DVL3: variants seen among roughly 807,000 people sequenced by gnomAD.
DVL3 encodes the protein segment polarity protein dishevelled homolog DVL-3.
A neutral mutation model predicts 67.4 loss-of-function variants in DVL3; 27 were observed. The ratio of observed to expected loss-of-function variants is 0.40; its 90% CI spans 0.30 to 0.55. The LOEUF (loss-of-function observed/expected upper bound fraction) is 0.55. Ranked by LOEUF, DVL3 falls within the 20% of genes least tolerant of loss-of-function variation. DVL3 has a pLI of 0.46. For missense variants in DVL3, 819 were observed against 1,021.5 expected (o/e 0.80, Z 2.70); for synonymous variants, 369 against 396.8 (o/e 0.93, Z 0.83).
rs1049906925 is a variant in DVL3, at chr3:184,164,349, G to A, written c.314G>A (p.Arg105His). ...NPSELPPPME[R>H]TGGIGDSRPP... ...TCGGAGCTGCCACCACCTATGGAGC[G>A]CACGGGAGGCATCGGGGACTCCCGA... The change falls in exon 3 of 15, where the codon CGC becomes CAC. Residue 105 changes from arginine to histidine, a missense_variant. By Grantham distance (29) the Arg-to-His change is conservative. This residue lies in a region of DVL3 where 385 missense variants were observed against 486.8 expected (regional missense o/e 0.79). Transcript: ENST00000313143. The surrounding 1 kb of genome is among the most constrained non-coding windows in gnomAD (Gnocchi z 5.3). The A allele has an allele frequency of 2.1e-5, 34 of 1,613,912 alleles. No homozygotes were observed. The highest frequency in any genetic ancestry group is 1.6e-4 in the Middle Eastern group (1 of 6,084).
rs549082715 is a variant in DVL3, at chr3:184,173,156, C to G, written c.*2401C>G. 11 of 152,374 alleles carry G rather than the reference C, an allele frequency of 7.2e-5. No homozygotes were observed. In the East Asian group the frequency reaches 1.7e-3, roughly 24 times the overall value. The allele number at this position is 152,374 out of a possible 1,614,324, so 9.4% of individuals were successfully genotyped here. A position where few individuals can be genotyped will look rare whatever the true frequency, so the allele number is the denominator to read the frequency against. On this transcript the variant is annotated 3_prime_UTR_variant, in exon 15 of 15. Transcript: ENST00000313143. ...CTACTGGACATCTCTATGGACAGTT[C>G]CGTATAGACTCAACTCATCTGCCCA...
rs747448248 is a variant in DVL3 at position 184,169,993 on chromosome 3, C to T, written c.1499-13C>T. 3.1e-6 allele frequency: 5 copies of T among 1,591,388 alleles called. No individual in the cohort carries two copies. The East Asian group carries it at 6.7e-5, about 21-fold the overall frequency. Reference sequence around the variant, plus strand: ...CGGAAAGACCTAGCTCCATCCGGCCCTCCCCTTCACAGACATGGCCAACCT... The same window carrying T: ...CGGAAAGACCTAGCTCCATCCGGCCTTCCCCTTCACAGACATGGCCAACCT... On this transcript the variant is annotated splice_polypyrimidine_tract_variant and intron_variant, in intron 13 of 14. Transcript: ENST00000313143.
intron 1 of DVL3, among the ~76,000 whole-genome samples, chr3:184,158,736 G>T (rs1448937761): frequency 6.6e-6 from 1 of 151,320 alleles, no homozygotes; most frequent in African/African-American, 2.4e-5. Context: ...AAAAGTATTT[G>T]TCAAGCTCAG....
chr3:184,169,981 C>CT, intron 13 of DVL3, 25 bp from the exon 14 acceptor site: 1 of 1,576,260 alleles, frequency 6.3e-7, no homozygotes, highest in Non-Finnish European at 8.6e-7. Flanking sequence ...AAAGACCTAG[C>CT]TCCATCCGGC....
rs2109022371 is a variant in DVL3, at chr3:184,167,119, T to C, written c.1198+144T>C. On this transcript the variant is annotated intron_variant, in intron 11 of 14. Coordinates refer to ENST00000313143, the MANE Select transcript of DVL3 (RefSeq NM_004423.4). The surrounding 1 kb of genome is among the most constrained non-coding windows in gnomAD (Gnocchi z 4.6). ...CATTCCAGCAACCCCACACTGCAAC[T>C]CCCCCACAGCGGGCACTCCAACCCT... 1 of 1,044,914 alleles carries C rather than the reference T, an allele frequency of 9.6e-7. No homozygotes were observed. Among genetic ancestry groups the C allele is most frequent in the Non-Finnish European group, 1.4e-6 (1 of 717,192 alleles). The allele number at this position is 1,044,914 out of a possible 1,614,324, so 64.7% of individuals were successfully genotyped here.
Position 184,166,618 on chromosome 3 carries a change from G to C in DVL3, c.993G>C (p.Leu331=), listed in dbSNP as rs144380814. 3 of 1,614,084 alleles carry C rather than the reference G, an allele frequency of 1.9e-6. No individual in the cohort carries two copies. In the African/African-American group the frequency reaches 4.0e-5, roughly 22 times the overall value. ...EIVHKPGPIT[L]TVAKCWDPSP... ...CCCTTGTTTTCAGGCCCATCACCCT[G>C]ACTGTAGCCAAGTGCTGGGACCCAA... The change falls in exon 10 of 15, where the codon CTG becomes CTC. Residue 331 remains leucine, a synonymous_variant. Coordinates refer to ENST00000313143, the MANE Select transcript of DVL3 (RefSeq NM_004423.4). This position sits in a 1 kb window ranked among gnomAD's most constrained non-coding sequence, Gnocchi z 6.7.
At chr3:184,160,423 CA>C (rs1334091492) in intron 1 of DVL3, among the ~76,000 whole-genome samples, 5 of 152,050 alleles carry the variant, frequency 3.3e-5, no homozygotes, top group African/African-American at 9.7e-5. Context: ...TCCCTTTTAC[CA>C]GGATGAGACA....
rs757423280 is a variant in DVL3, at chr3:184,168,049, C to T, written c.1482C>T (p.Phe494=). 55 of 1,614,090 alleles carry T rather than the reference C, an allele frequency of 3.4e-5. No homozygotes were observed. The highest frequency in any genetic ancestry group is 1.4e-4 in the South Asian group (13 of 91,088). ...ITFSEQCYYI[F]GDLCGNMANL... ...TCTCCGAGCAGTGCTACTACATCTT[C>T]GGTGACCTCTGCGGCAGTATGTGCC... Residue 494 remains phenylalanine, a synonymous_variant, in exon 13 of 15, where the codon TTC becomes TTT. Coordinates refer to ENST00000313143, the MANE Select transcript of DVL3 (RefSeq NM_004423.4).
In DVL3 at chr3:184,170,315, A is replaced by G; in HGVS notation, c.1715-4A>G. On this transcript the variant is annotated splice_polypyrimidine_tract_variant and splice_region_variant and intron_variant, in intron 14 of 14. Transcript: ENST00000313143. The surrounding 1 kb of genome is among the most constrained non-coding windows in gnomAD (Gnocchi z 6.5). ...CCCACCCCGGCCCTGTTTGCCTCCT[A>G]CAGGCAGTCGGAGCAGTGGCTCCAA... is the stretch of plus-strand genomic sequence containing the variant. The G allele has an allele frequency of 6.3e-7, 1 of 1,598,430 alleles. No individual in the cohort carries two copies.
Position 184,155,928 on chromosome 3 carries a change from C to A in DVL3, c.161+132C>A. ...TCTGACTTCTAGGGGCGACTCGGCC[C>A]ATTTGGGCCCCTTTGGTTCCAGCCC... On this transcript the variant is annotated intron_variant, in intron 1 of 14. Coordinates refer to ENST00000313143, the MANE Select transcript of DVL3 (RefSeq NM_004423.4). The surrounding 1 kb of genome is among the most constrained non-coding windows in gnomAD (Gnocchi z 5.4). 1.8e-6 allele frequency: 2 copies of A among 1,132,874 alleles called. No individual in the cohort carries two copies. Among genetic ancestry groups the A allele is most frequent in the East Asian group, 2.6e-5 (1 of 39,214 alleles). The allele number at this position is 1,132,874 out of a possible 1,614,324, so 70.2% of individuals were successfully genotyped here.
In DVL3 at chr3:184,166,669, C is replaced by T; in HGVS notation, c.1044C>T (p.Pro348=). Residue 348 remains proline (P), a synonymous_variant, in exon 10 of 15, where the codon CCC becomes CCT. Coordinates refer to ENST00000313143, the MANE Select transcript of DVL3 (RefSeq NM_004423.4). This position sits in a 1 kb window ranked among gnomAD's most constrained non-coding sequence, Gnocchi z 6.7. Reference sequence around the variant, plus strand: ...GTCCACGTGGTTGCTTCACATTGCCCAGGAGTAAGTGGATGGGAGACTCAG... The same window carrying T: ...GTCCACGTGGTTGCTTCACATTGCCTAGGAGTAAGTGGATGGGAGACTCAG... ...DPSPRGCFTL[P]RSEPIRPIDP... is the part of the protein sequence containing the mutation. The T allele has an allele frequency of 6.2e-7, 1 of 1,614,026 alleles. No individual in the cohort carries two copies.
chr3:184,165,398 G>T lies in DVL3; in HGVS notation c.694-24G>T. 1.2e-6 allele frequency: 2 copies of T among 1,613,062 alleles called. No individual in the cohort carries two copies. The highest frequency in any genetic ancestry group is 4.5e-5 in the East Asian group (2 of 44,866). On this transcript the variant is annotated intron_variant, in intron 6 of 14. Transcript: ENST00000313143. This position sits in a 1 kb window ranked among gnomAD's most constrained non-coding sequence, Gnocchi z 4.1. ...TGAATTCCTGCCACCTCCACCTGCT[G>T]CTCAGGGCCTCTGTCTATTCCAGTC...
In DVL3 at chr3:184,167,791, T is replaced by A. The variant is rs1714651355; in HGVS notation, c.1330+80T>A. The stretch of plus-strand genomic sequence containing the variant: ...AGGCCGGAGGGCCCAGGACTTGCCT[T>A]GGACCCTTCCTTTGATCTGGAGCCA... On this transcript the variant is annotated intron_variant, in intron 12 of 14. Coordinates refer to ENST00000313143, the MANE Select transcript of DVL3 (RefSeq NM_004423.4). The surrounding 1 kb of genome is among the most constrained non-coding windows in gnomAD (Gnocchi z 4.6). 1 of 1,594,818 alleles carries A rather than the reference T, an allele frequency of 6.3e-7. No homozygotes were observed. Among genetic ancestry groups the A allele is most frequent in the African/African-American group, 1.3e-5 (1 of 74,676 alleles).
At position 184,167,771 on chromosome 3, in the gene DVL3, G is replaced by C. The variant is rs377742736; in HGVS notation, c.1330+60G>C. The C allele has an allele frequency of 1.0e-5, 16 of 1,588,130 alleles. No individual in the cohort carries two copies. In the East Asian group the frequency reaches 3.6e-4, roughly 36 times the overall value. The stretch of plus-strand genomic sequence containing the variant: ...GGGGAGTGATGGGGCAGGGCAGGCC[G>C]GAGGGCCCAGGACTTGCCTTGGACC... On this transcript the variant is annotated intron_variant, in intron 12 of 14. Transcript: ENST00000313143. This position sits in a 1 kb window ranked among gnomAD's most constrained non-coding sequence, Gnocchi z 4.6.
chr3:184,166,514 C>G lies in DVL3; in HGVS notation c.972C>G (p.His324Gln). The G allele has an allele frequency of 6.2e-7, 1 of 1,614,162 alleles. No individual in the cohort carries two copies. The highest frequency in any genetic ancestry group is 2.2e-5 in the East Asian group (1 of 44,876). ...DAVRVLREIVHKPGPITLTVA... is the reference protein window; with the variant it reads ...DAVRVLREIVQKPGPITLTVA... Reference sequence around the variant, plus strand: ...TCCGGGTACTGCGGGAGATTGTGCACAAACCGGGGTATGGATGGAATGGGG... The same window carrying G: ...TCCGGGTACTGCGGGAGATTGTGCAGAAACCGGGGTATGGATGGAATGGGG... The change falls in exon 9 of 15, where the codon CAC (histidine) becomes CAG (glutamine). Residue 324 changes from histidine to glutamine, a missense_variant. His to Gln is a conservative substitution (Grantham distance 24, BLOSUM62 0). Transcript: ENST00000313143. This position sits in a 1 kb window ranked among gnomAD's most constrained non-coding sequence, Gnocchi z 6.7.
chr3:184,161,524 A>T (rs1185396824), intron 1 of DVL3, among the ~76,000 whole-genome samples: 1 of 151,592 alleles, frequency 6.6e-6, no homozygotes, highest in African/African-American at 2.4e-5. Context: ...GCGTCATCTT[A>T]CCCTTGGTCA....
At position 184,167,906 on chromosome 3, in the gene DVL3, G is replaced by T. The variant is rs374772871; in HGVS notation, c.1339G>T (p.Val447Leu). The change falls in exon 13 of 15, where the codon GTG becomes TTG. Residue 447 changes from valine (V) to leucine (L), a missense_variant. Val to Leu is a conservative substitution (Grantham distance 32). Transcript: ENST00000313143. The surrounding 1 kb of genome is among the most constrained non-coding windows in gnomAD (Gnocchi z 4.6). ...TIPNAFIGSD[V>L]VDWLYHNVEG... is the part of the protein sequence containing the mutation. ...GGCAGCCTTGTCCCCAGGCTCAGAT[G>T]TGGTGGACTGGCTGTACCACAATGT... is the stretch of plus-strand genomic sequence containing the variant. 6.2e-7 allele frequency: 1 copy of T among 1,614,278 alleles called. No homozygotes were observed. The highest frequency in any genetic ancestry group is 8.5e-7 in the Non-Finnish European group (1 of 1,180,054).
chr3:184,160,450 T>C (rs1246290164), intron 1 of DVL3, among the ~76,000 whole-genome samples: 1 of 152,124 alleles, frequency 6.6e-6, no homozygotes. Flanking sequence ...TTGGAGAAAT[T>C]AAGAAACTTC....
At chr3:184,162,669 C>T (rs1271449882) in intron 1 of DVL3, among the ~76,000 whole-genome samples, 1 of 151,254 alleles carries the variant, frequency 6.6e-6, no homozygotes, top group Admixed American at 6.6e-5. Flanking sequence ...AAGTGATTCG[C>T]CTGCCTTAGC....
Sources: allele counts gnomAD v4.1 joint callset (sites outside exome capture counted in the v4.1 genomes callset), GRCh38; gene constraint gnomAD v4.1.1; regional missense constraint gnomAD v4.1.1; non-coding constraint Gnocchi (gnomAD v3.1); transcripts MANE v1.5; gene names NCBI Gene and HGNC (gene_info 2026-07-23, HGNC 2026-07-21).